Variants in MAF observed in about 807,000 individuals in gnomAD.
The protein encoded by MAF is transcription factor Maf.
In MAF, 10 loss-of-function variants were observed where a neutral mutation model predicts 22.0. The ratio of observed to expected loss-of-function variants is 0.45; its 90% confidence interval spans 0.28 to 0.77. The LOEUF is 0.77. MAF is among the 30% of genes least tolerant of loss of function. MAF has a pLI of 0.12. For synonymous variants in MAF, 337 were observed against 255.8 expected (o/e 1.32, Z -3.03); for missense variants, 544 against 548.4 (o/e 0.99, Z 0.08).
the MAF span, among the ~76,000 whole-genome samples, chr16:79,306,748 A>C: frequency 6.6e-6 from 1 of 152,314 alleles, no homozygotes; most frequent in East Asian, 1.9e-4. Flanking sequence ...GGCAATCCTC[A>C]TAGACAGCTT....
chr16:79,217,463 C>G, the MAF span, among the ~76,000 whole-genome samples: 3 of 152,204 alleles, frequency 2.0e-5, no homozygotes, highest in Admixed American at 6.5e-5. Flanking sequence ...CCAGTATAAA[C>G]CTTACAAATC....
chr16:79,439,781 G>A, the MAF span, among the ~76,000 whole-genome samples: 1 of 152,196 alleles, frequency 6.6e-6, no homozygotes, highest in East Asian at 1.9e-4. Context: ...GCACCAGCAT[G>A]GATTCTGCAT....
At chr16:79,370,716 C>T in the MAF span, among the ~76,000 whole-genome samples, 1 of 152,158 alleles carries the variant, frequency 6.6e-6, no homozygotes, top group Non-Finnish European at 1.5e-5. Flanking sequence ...TATATCAGAT[C>T]CACTGCTTTT....
chr16:79,345,479 G>T, the MAF span, among the ~76,000 whole-genome samples: 2 of 152,068 alleles, frequency 1.3e-5, no homozygotes, highest in Non-Finnish European at 2.9e-5. Context: ...ATGCCTGTGA[G>T]AAATTTGGGA....
chr16:79,434,050 C>G, the MAF span, among the ~76,000 whole-genome samples: 1 of 152,106 alleles, frequency 6.6e-6, no homozygotes, highest in Non-Finnish European at 1.5e-5. Flanking sequence ...GACTGTTCTC[C>G]CCGTTGCATA....
chr16:79,372,096 G>A, the MAF span, among the ~76,000 whole-genome samples: 1 of 136,414 alleles, frequency 7.3e-6, no homozygotes, highest in East Asian at 2.2e-4. Flanking sequence ...TTTACCCCAA[G>A]TGCAATGCCA....
chr16:79,545,149 T>C, the MAF span, among the ~76,000 whole-genome samples: 1 of 152,138 alleles, frequency 6.6e-6, no homozygotes, highest in Non-Finnish European at 1.5e-5. Flanking sequence ...TTTCCCTCCA[T>C]GGTTCTAAAT....
At chr16:79,318,110 T>A in the MAF span, among the ~76,000 whole-genome samples, 3 of 152,212 alleles carry the variant, frequency 2.0e-5, no homozygotes, top group African/African-American at 7.2e-5. Flanking sequence ...TTATAATATG[T>A]GAGAAATCTC....
the MAF span, among the ~76,000 whole-genome samples, chr16:79,318,645 T>C: frequency 6.6e-6 from 1 of 152,212 alleles, no homozygotes; most frequent in African/African-American, 2.4e-5. Flanking sequence ...ACATTATATT[T>C]TCATTGGATA....
chr16:79,434,307 C>A, the MAF span, among the ~76,000 whole-genome samples: 1 of 152,216 alleles, frequency 6.6e-6, no homozygotes, highest in African/African-American at 2.4e-5. Flanking sequence ...CGGTGACGTG[C>A]TTATAAATGT....
chr16:79,283,446 T>C, the MAF span, among the ~76,000 whole-genome samples: 1 of 152,196 alleles, frequency 6.6e-6, no homozygotes, highest in African/African-American at 2.4e-5. Flanking sequence ...GCATAAATCT[T>C]TGTATTTTAA....
At chr16:79,268,888 C>G in the MAF span, among the ~76,000 whole-genome samples, 2 of 152,192 alleles carry the variant, frequency 1.3e-5, no homozygotes, top group African/African-American at 2.4e-5. Flanking sequence ...CCTGGGCAAG[C>G]CATTTCACTC....
the MAF span, among the ~76,000 whole-genome samples, chr16:79,423,422 G>A: frequency 6.6e-6 from 1 of 152,148 alleles, no homozygotes; most frequent in African/African-American, 2.4e-5. Flanking sequence ...GCTATGGTGA[G>A]GAGTCTGAGC....
chr16:79,212,819 G>C, the MAF span: 2 of 152,172 alleles, frequency 1.3e-5, no homozygotes, highest in African/African-American at 4.8e-5. Context: ...TTTCTTCTCT[G>C]AGTGAGTTTG....
At chr16:79,568,140 A>G in the MAF span, among the ~76,000 whole-genome samples, 2 of 152,200 alleles carry the variant, frequency 1.3e-5, no homozygotes, top group African/African-American at 2.4e-5. Flanking sequence ...TTCTCAATAA[A>G]ATCCAGTCGC....
At chr16:79,286,578 A>G in the MAF span, among the ~76,000 whole-genome samples, 1 of 152,172 alleles carries the variant, frequency 6.6e-6, no homozygotes, top group African/African-American at 2.4e-5. Flanking sequence ...GAACAATAAT[A>G]CTTCTTTCAC....
the MAF span, among the ~76,000 whole-genome samples, chr16:79,419,782 A>T: frequency 2.6e-3 from 402 of 152,320 alleles, 1 homozygote; most frequent in Non-Finnish European, 3.5e-3. Context: ...TCAAGAGTGC[A>T]GGAAGCTTTA....
the MAF span, among the ~76,000 whole-genome samples, chr16:79,317,995 A>C: frequency 7.9e-5 from 12 of 152,216 alleles, no homozygotes; most frequent in South Asian, 8.3e-4. Flanking sequence ...ATCCTGGAAC[A>C]TAACAGTGTC....
the MAF span, among the ~76,000 whole-genome samples, chr16:79,312,834 A>G: frequency 6.6e-6 from 1 of 152,102 alleles, no homozygotes; most frequent in African/African-American, 2.4e-5. Flanking sequence ...TACATATAAG[A>G]CAGGCACCTT....
Sources: gnomAD v4.1 joint callset for allele counts (sites outside exome capture counted in the v4.1 genomes callset) on GRCh38, gnomAD v4.1.1 for gene constraint, MANE v1.5 for transcripts, NCBI Gene and HGNC (gene_info 2026-07-23, HGNC 2026-07-21) for gene names.